SHB: variants seen among roughly 807,000 people sequenced by gnomAD.
SHB encodes SH2 domain-containing adapter protein B.
Under a neutral mutation model 52.3 loss-of-function variants are expected in SHB, and 20 were observed. That is an observed-to-expected ratio of 0.38 (90% CI 0.27 to 0.56). SHB has a LOEUF of 0.56. Among genes scored for constraint, SHB ranks in the 20% least tolerant of loss-of-function variants. The pLI is 0.71. For missense variants in SHB, 825 were observed against 723.3 expected (o/e 1.14, Z -1.61); for synonymous variants, 397 against 316.5 (o/e 1.25, Z -2.70).
intron 2 of SHB, among the ~76,000 whole-genome samples, chr9:38,004,379 G>A (rs1322112168): frequency 6.6e-6 from 1 of 152,192 alleles, no homozygotes; most frequent in Non-Finnish European, 1.5e-5. Context: ...TGGGGGCTGC[G>A]TGGGACTCGG....
At chr9:37,986,788 G>A (rs1363167762) in intron 2 of SHB, among the ~76,000 whole-genome samples, 1 of 152,206 alleles carries the variant, frequency 6.6e-6, no homozygotes, top group Non-Finnish European at 1.5e-5. Context: ...GCATCCCCGG[G>A]GCCCCTGTGC....
At position 37,965,851 on chromosome 9, in the gene SHB, C is replaced by T. The variant is rs550561253; in HGVS notation, c.1054+8771G>A. On this transcript the variant is annotated intron_variant, in intron 3 of 5. Coordinates refer to ENST00000377707, the MANE Select transcript of SHB (RefSeq NM_003028.3). ...TGTTTCCTCATCTGTACAGTGGGGGCGGTACTATGCACTGAGAGTTGGGGG... is the reference window on the plus strand; with the variant it reads ...TGTTTCCTCATCTGTACAGTGGGGGTGGTACTATGCACTGAGAGTTGGGGG... Among the ~76,000 whole-genome samples the T allele has an allele frequency of 1.6e-4, 24 of 152,246 alleles. No individual in the cohort carries two copies. The East Asian group carries it at 4.1e-3, about 26-fold the overall frequency.
At chr9:37,950,615 T>G (rs1423573092) in intron 4 of SHB, among the ~76,000 whole-genome samples, 1 of 152,132 alleles carries the variant, frequency 6.6e-6, no homozygotes. Context: ...GGTTGGAGTG[T>G]GCTTTGTCCA....
In SHB at chr9:38,007,778, G is replaced by A. The variant is rs141437031; in HGVS notation, c.838+8233C>T. On this transcript the variant is annotated intron_variant, in intron 2 of 5. Coordinates refer to ENST00000377707, the MANE Select transcript of SHB (RefSeq NM_003028.3). The stretch of plus-strand genomic sequence containing the variant: ...GAGACAGACAACAAACAAGGGAAAT[G>A]TAAAAAAAGTATGTAATATGCTAAA... 6.1e-3 allele frequency among the ~76,000 whole-genome samples: 922 copies of A among 151,894 alleles called. 12 individuals carry two copies. The highest frequency in any genetic ancestry group is 0.021 in the African/African-American group (884 of 41,414).
chr9:37,946,160 A>G (rs1420698121), intron 5 of SHB, among the ~76,000 whole-genome samples: 1 of 152,224 alleles, frequency 6.6e-6, no homozygotes, highest in Non-Finnish European at 1.5e-5. Context: ...CCAAGGCCAC[A>G]AGGCCAGTGA....
intron 1 of SHB, among the ~76,000 whole-genome samples, chr9:38,060,452 G>C (rs1443320499): frequency 6.6e-6 from 1 of 151,718 alleles, no homozygotes; most frequent in Non-Finnish European, 1.5e-5. Context: ...ATTACAGGAA[G>C]TGCTGGGATT....
intron 1 of SHB, among the ~76,000 whole-genome samples, chr9:38,040,752 A>G (rs1236582566): frequency 1.3e-5 from 2 of 152,192 alleles, no homozygotes; most frequent in Non-Finnish European, 2.9e-5. Context: ...GGGGAGGTAT[A>G]GAGCAAAATG....
At chr9:37,950,559 G>A (rs1428320877) in intron 4 of SHB, among the ~76,000 whole-genome samples, 1 of 152,202 alleles carries the variant, frequency 6.6e-6, no homozygotes, top group African/African-American at 2.4e-5. Flanking sequence ...GGTAGTGGAG[G>A]GGGTGAGACT....
intron 3 of SHB, among the ~76,000 whole-genome samples, chr9:37,961,035 T>TA (rs1390432253): frequency 6.6e-6 from 1 of 152,180 alleles, no homozygotes; most frequent in Non-Finnish European, 1.5e-5. Flanking sequence ...TTCCTACTTC[T>TA]AGGCCTGGAA....
chr9:37,958,355 C>T (rs1436131788), intron 3 of SHB, among the ~76,000 whole-genome samples: 3 of 152,104 alleles, frequency 2.0e-5, no homozygotes, highest in Admixed American at 1.3e-4. Flanking sequence ...CAGAGAAGGA[C>T]GACTACTGGT....
chr9:37,948,772 A>T lies in SHB; in HGVS notation c.1227-18T>A, dbSNP rs376915833. ...GATACCATCTGTGGAGAGGGCAGAG[A>T]GTGGTCAGAGCCCAGCGCGATGGGA... On this transcript the variant is annotated intron_variant, in intron 4 of 5. Transcript: ENST00000377707. 6.2e-7 allele frequency: 1 copy of T among 1,613,302 alleles called. No homozygotes were observed. Among genetic ancestry groups the T allele is most frequent in the African/African-American group, 1.3e-5 (1 of 75,024 alleles).
intron 5 of SHB, among the ~76,000 whole-genome samples, chr9:37,926,233 AAGC>A (rs1434335031): frequency 2.0e-5 from 3 of 150,084 alleles, no homozygotes; most frequent in Admixed American, 6.7e-5. Flanking sequence ...TGCCTCTTGA[AAGC>A]AGTGCCTTTA....
chr9:37,947,245 G>C (rs559682062), intron 5 of SHB, among the ~76,000 whole-genome samples: 1 of 152,356 alleles, frequency 6.6e-6, no homozygotes, highest in South Asian at 2.1e-4. Context: ...CGCTAGGCTA[G>C]AAGTTCCCTC....
intron 4 of SHB, among the ~76,000 whole-genome samples, chr9:37,949,471 C>G (rs1340082983): frequency 2.0e-5 from 3 of 151,242 alleles, no homozygotes; most frequent in African/African-American, 7.3e-5. Context: ...CATTTCAGTG[C>G]AGACCTGCAG....
rs143441109 is a variant in SHB, at chr9:37,998,643, G to A, written c.838+17368C>T. Among the ~76,000 whole-genome samples, 317 of 152,254 alleles carry A rather than the reference G, an allele frequency of 2.1e-3. 5 individuals are homozygous for A. The highest frequency in any genetic ancestry group is 0.016 in the Admixed American group (247 of 15,296). On this transcript the variant is annotated intron_variant, in intron 2 of 5. Transcript: ENST00000377707. ...AATTTTTGAATTTTTAGTAGAGACG[G>A]GGTTTCACCATGTTGCCTAGGTTAG...
In SHB at chr9:37,955,895, AG is replaced by A; in HGVS notation, c.1213del (p.Leu405TrpfsTer44). On this transcript the variant is annotated frameshift_variant, in exon 4 of 6. Coordinates refer to ENST00000377707, the MANE Select transcript of SHB (RefSeq NM_003028.3). LOFTEE classifies it high-confidence loss of function. ...CCCAAGAACTTACATTTGCTTCTCC[AG>A]GGGGACGGCAGGATCCACCCTTTCT... ...LGERVDPAVP[L>X]EKQIWYHGAI... 1 of 1,613,622 alleles carries A rather than the reference AG, an allele frequency of 6.2e-7. No individual in the cohort carries two copies. Among genetic ancestry groups the A allele is most frequent in the Middle Eastern group, 1.6e-4 (1 of 6,062 alleles).
intron 1 of SHB, among the ~76,000 whole-genome samples, chr9:38,034,295 G>T (rs1564106858): frequency 6.6e-6 from 1 of 152,236 alleles, no homozygotes; most frequent in East Asian, 1.9e-4. Context: ...AAGTGATGCA[G>T]TGCTCATGTG....
At chr9:38,015,511 C>T (rs1285135486) in intron 2 of SHB, 2 of 699,638 alleles carry the variant, frequency 2.9e-6, no homozygotes, top group South Asian at 1.5e-5. Flanking sequence ...ATTTATGCTG[C>T]TTCCAGCTCC....
Position 37,919,827 on chromosome 9 carries a change from G to T in SHB, c.1524C>A (p.Thr508=). The T allele has an allele frequency of 6.2e-7, 1 of 1,613,152 alleles. No homozygotes were observed. Residue 508 remains threonine, a synonymous_variant, in exon 6 of 6, where the codon ACC becomes ACA. Transcript: ENST00000377707. The stretch of plus-strand genomic sequence containing the variant: ...CAGGGCAGGTCTGGTCCGCTCACAG[G>T]GTCCTCACAGCCACGGGATAGAGGA... ...LSLLYPVAVR[T]L
Sources: allele counts gnomAD v4.1 joint callset (sites outside exome capture counted in the v4.1 genomes callset), GRCh38; gene constraint gnomAD v4.1.1; transcripts MANE v1.5; gene names NCBI Gene and HGNC (gene_info 2026-07-23, HGNC 2026-07-21).